ITGA2: variants seen among roughly 807,000 people sequenced by gnomAD.
ITGA2 encodes integrin subunit alpha 2, also known as integrin alpha-2.
ITGA2 carries 101 observed loss-of-function variants against 146.3 expected under a neutral mutation model. The observed-to-expected ratio is 0.69, with a 90% CI of 0.59 to 0.81. The LOEUF is 0.81. Among genes scored for constraint, ITGA2 ranks in the 40% least tolerant of loss-of-function variants. ITGA2 has a pLI of 0.00. For synonymous variants in ITGA2, 477 were observed against 487.1 expected (o/e 0.98, Z 0.27); for missense variants, 1,281 against 1,402.7 (o/e 0.91, Z 1.39).
At chr5:53,085,012 G>C (rs537307564) in intron 27 of ITGA2, among the ~76,000 whole-genome samples, 2 of 152,324 alleles carry the variant, frequency 1.3e-5, no homozygotes, top group South Asian at 4.1e-4. Flanking sequence ...ACACCCTTGA[G>C]ATGTCAAGGT....
intron 1 of ITGA2, among the ~76,000 whole-genome samples, chr5:53,003,505 G>A (rs1379680237): frequency 2.0e-5 from 3 of 152,140 alleles, no homozygotes; most frequent in African/African-American, 7.2e-5. Context: ...CCCTCTTCCT[G>A]TGGTATCCTC....
chr5:53,038,839 C>T (rs1001943185), intron 2 of ITGA2, among the ~76,000 whole-genome samples: 4 of 152,164 alleles, frequency 2.6e-5, no homozygotes, highest in Non-Finnish European at 5.9e-5. Flanking sequence ...ACCAGTAATC[C>T]CAGTGTTTTA....
intron 2 of ITGA2, among the ~76,000 whole-genome samples, chr5:53,028,999 C>T (rs1402665999): frequency 7.9e-5 from 12 of 152,252 alleles, no homozygotes; most frequent in South Asian, 2.1e-4. Context: ...CGGCCAGGAA[C>T]GGTGGCTCAT....
intron 1 of ITGA2, among the ~76,000 whole-genome samples, chr5:53,016,125 A>G (rs557199014): frequency 6.6e-6 from 1 of 152,322 alleles, no homozygotes; most frequent in African/African-American, 2.4e-5. Flanking sequence ...TGATCCTATC[A>G]TCAAGTTAGC....
Position 53,042,028 on chromosome 5 carries a change from G to A in ITGA2, c.186-84G>A, listed in dbSNP as rs1743823464. The A allele has an allele frequency of 2.0e-5, 17 of 855,640 alleles. No individual in the cohort carries two copies. In the South Asian group the frequency reaches 2.3e-4, roughly 11 times the overall value. The allele number at this position is 855,640 out of a possible 1,614,324, so 53.0% of individuals were successfully genotyped here. ...AAACTGTTCACATTGAAATTTAAATGTGTTTTTCACTGTTTGTGATCAGGT... is the reference window on the plus strand; with the variant it reads ...AAACTGTTCACATTGAAATTTAAATATGTTTTTCACTGTTTGTGATCAGGT... On this transcript the variant is annotated intron_variant, in intron 2 of 29. Coordinates refer to ENST00000296585, the MANE Select transcript of ITGA2 (RefSeq NM_002203.4).
intron 2 of ITGA2, among the ~76,000 whole-genome samples, chr5:53,041,560 T>C (rs1743798854): frequency 6.6e-6 from 1 of 152,142 alleles, no homozygotes; most frequent in Non-Finnish European, 1.5e-5. Context: ...TTGGTTTCAT[T>C]CTTTAGAGCT....
At chr5:53,025,977 TA>T (rs1042282736) in intron 1 of ITGA2, among the ~76,000 whole-genome samples, 1 of 152,184 alleles carries the variant, frequency 6.6e-6, no homozygotes, top group African/African-American at 2.4e-5. Flanking sequence ...AAAAATAAAA[TA>T]AAATCTATCA....
chr5:52,989,630 G>C (rs527490364), intron 1 of ITGA2, 98 bp downstream of exon 1: 1 of 1,331,696 alleles, frequency 7.5e-7, no homozygotes, highest in Admixed American at 1.7e-5. Context: ...AGCGAGCTCC[G>C]TGTGTTCCCT....
chr5:52,992,325 T>C (rs1741002659), intron 1 of ITGA2, among the ~76,000 whole-genome samples: 1 of 152,128 alleles, frequency 6.6e-6, no homozygotes, highest in Non-Finnish European at 1.5e-5. Flanking sequence ...GCAGATTGTC[T>C]CTGGGCCCAT....
At chr5:53,004,766 G>A (rs903306945) in intron 1 of ITGA2, among the ~76,000 whole-genome samples, 3 of 151,930 alleles carry the variant, frequency 2.0e-5, no homozygotes, top group Admixed American at 2.0e-4. Flanking sequence ...GTCCTTTTGT[G>A]CTTTTGGTTT....
At chr5:53,000,891 C>CTTTTTTTTTTTTTT (rs1407616111) in intron 1 of ITGA2, among the ~76,000 whole-genome samples, 25 of 105,116 alleles carry the variant, frequency 2.4e-4, no homozygotes, top group East Asian at 1.6e-3. Context: ...TTTTCTTTTT[C>CTTTTTTTTTTTTTT]TTTTTGTTTT....
chr5:53,015,471 ATT>A (rs60122376), intron 1 of ITGA2, among the ~76,000 whole-genome samples: 2,344 of 151,244 alleles, frequency 0.015, 69 homozygotes, highest in African/African-American at 0.053. Context: ...GGTTGGTATG[ATT>A]TTTTTTTTTA....
rs1013883368 is a variant in ITGA2 at position 53,073,348 on chromosome 5, G to T, written c.2571+89G>T. 9 of 1,404,062 alleles carry T rather than the reference G, an allele frequency of 6.4e-6. No homozygotes were observed. In the South Asian group the frequency reaches 8.1e-5, roughly 13 times the overall value. 87.0% of individuals were successfully genotyped at this position (1,404,062 alleles called of 1,614,324 possible). On this transcript the variant is annotated intron_variant, in intron 20 of 29. Coordinates refer to ENST00000296585, the MANE Select transcript of ITGA2 (RefSeq NM_002203.4). Reference sequence around the variant, plus strand: ...TATGTCCTCTGAGTTGTTTAAAGAAGCACCTTAACCCTCAACATGATCAAT... The same window carrying T: ...TATGTCCTCTGAGTTGTTTAAAGAATCACCTTAACCCTCAACATGATCAAT...
chr5:53,037,675 A>G (rs1394089022), intron 2 of ITGA2, among the ~76,000 whole-genome samples: 1 of 152,166 alleles, frequency 6.6e-6, no homozygotes, highest in Non-Finnish European at 1.5e-5. Context: ...AGTCTGCTGG[A>G]AATGTTTCTA....
chr5:53,051,568 T>C lies in ITGA2; in HGVS notation c.779+9T>C. 2.5e-6 allele frequency: 4 copies of C among 1,612,704 alleles called. No individual in the cohort carries two copies. In the East Asian group the frequency reaches 6.7e-5, roughly 27 times the overall value. ...GCAATTCAATATGCAAGGTAAGTTT[T>C]GGTGCTAATAGGCCAATGTTTTCAT... On this transcript the variant is annotated intron_variant, in intron 7 of 29. Transcript: ENST00000296585.
chr5:53,031,265 T>C (rs1229040378), intron 2 of ITGA2, among the ~76,000 whole-genome samples: 3 of 152,238 alleles, frequency 2.0e-5, no homozygotes, highest in Non-Finnish European at 4.4e-5. Flanking sequence ...CTTTAGCAAA[T>C]TGCGAGTTCT....
intron 27 of ITGA2, among the ~76,000 whole-genome samples, chr5:53,086,026 A>C (rs903553852): frequency 1.3e-5 from 2 of 151,992 alleles, no homozygotes; most frequent in South Asian, 4.1e-4. Flanking sequence ...CTCCTGCCTC[A>C]GCCGAGTCGC....
chr5:53,055,763 G>T, intron 8 of ITGA2, 75 bp downstream of exon 8: 1 of 1,536,558 alleles, frequency 6.5e-7, no homozygotes, highest in Non-Finnish European at 9.0e-7. Context: ...TCTCAAGGCT[G>T]CACTTTCCCA....
At chr5:53,081,745 C>T (rs769468833) in intron 26 of ITGA2, 49 bp downstream of exon 26, 9 of 1,276,700 alleles carry the variant, frequency 7.0e-6, no homozygotes, top group Non-Finnish European at 1.0e-5. Context: ...TTTATTTCAC[C>T]TGTGATCAGG....
Sources: allele counts gnomAD v4.1 joint callset (sites outside exome capture counted in the v4.1 genomes callset), GRCh38; gene constraint gnomAD v4.1.1; transcripts MANE v1.5; gene names NCBI Gene and HGNC (gene_info 2026-07-23, HGNC 2026-07-21).